Variants in JAZF1 observed in about 807,000 individuals in gnomAD.
JAZF1 encodes JAZF zinc finger 1.
A neutral mutation model predicts 26.4 loss-of-function variants in JAZF1; 8 were observed. The ratio of observed to expected loss-of-function variants is 0.30; its 90% CI spans 0.18 to 0.55. The LOEUF (loss-of-function observed/expected upper bound fraction) is 0.55. Among genes scored for constraint, JAZF1 ranks in the 20% least tolerant of loss-of-function variants. The pLI, the probability that JAZF1 is intolerant of heterozygous loss-of-function variation, is 0.94. For synonymous variants in JAZF1, 126 were observed against 122.3 expected (o/e 1.03, Z -0.20); for missense variants, 199 against 322.0 (o/e 0.62, Z 2.92).
At chr7:27,845,606 A>G (rs1783009532) in intron 3 of JAZF1, among the ~76,000 whole-genome samples, 1 of 150,244 alleles carries the variant, frequency 6.7e-6, no homozygotes, top group Admixed American at 6.6e-5. Flanking sequence ...CTGAGGCAGG[A>G]GAATCGCTTG....
intron 2 of JAZF1, among the ~76,000 whole-genome samples, chr7:27,929,968 C>G (rs1784661171): frequency 6.6e-6 from 1 of 151,096 alleles, no homozygotes; most frequent in Admixed American, 6.6e-5. Flanking sequence ...CTCCCCCTCT[C>G]TCCCTCCCTC....
intron 1 of JAZF1, among the ~76,000 whole-genome samples, chr7:28,137,265 C>T (rs958932129): frequency 6.6e-6 from 1 of 152,230 alleles, no homozygotes; most frequent in Non-Finnish European, 1.5e-5. Flanking sequence ...AGAAGTAACA[C>T]GATTCAATCT....
At chr7:28,120,432 C>A (rs1420689344) in intron 1 of JAZF1, among the ~76,000 whole-genome samples, 1 of 150,124 alleles carries the variant, frequency 6.7e-6, no homozygotes, top group East Asian at 2.0e-4. Context: ...GGAAGTCTAG[C>A]AGGCATCCTT....
intron 2 of JAZF1, among the ~76,000 whole-genome samples, chr7:27,986,422 C>A (rs1226967759): frequency 6.6e-6 from 1 of 152,138 alleles, no homozygotes; most frequent in Non-Finnish European, 1.5e-5. Flanking sequence ...TGAAGGACCT[C>A]TTCAAGGAGA....
chr7:28,119,614 A>ACTGTC (rs1784804895), intron 1 of JAZF1, among the ~76,000 whole-genome samples: 1 of 152,128 alleles, frequency 6.6e-6, no homozygotes, highest in Non-Finnish European at 1.5e-5. Context: ...TCCTCTATTT[A>ACTGTC]CAATCGGCTG....
chr7:28,116,645 T>C (rs1784749881), intron 1 of JAZF1, among the ~76,000 whole-genome samples: 1 of 152,040 alleles, frequency 6.6e-6, no homozygotes. Flanking sequence ...GGTTTCACCA[T>C]GTTGGCCAGG....
intron 3 of JAZF1, among the ~76,000 whole-genome samples, chr7:27,866,882 C>G (rs749425898): frequency 2.0e-5 from 3 of 152,166 alleles, no homozygotes; most frequent in Non-Finnish European, 2.9e-5. Flanking sequence ...TCTCTGGCCT[C>G]GAGGTGCACG....
In JAZF1 at chr7:27,831,883, C is replaced by CT. The variant is rs554472870; in HGVS notation, c.*916dup. The CT allele has an allele frequency of 8.9e-4, 195 of 218,368 alleles. No individual in the cohort carries two copies. Among genetic ancestry groups the CT allele is most frequent in the African/African-American group, 4.3e-3 (191 of 44,592 alleles). The allele number at this position is 218,368 out of a possible 1,614,324, so 13.5% of individuals were successfully genotyped here. On this transcript the variant is annotated 3_prime_UTR_variant, in exon 5 of 5. Transcript: ENST00000283928. ...GTTGGCAATAGAGAACTACAAAGTG[C>CT]TTTAAAACTTCATCTGAAGATGAAG...
intron 3 of JAZF1, among the ~76,000 whole-genome samples, chr7:27,882,547 A>G (rs561885241): frequency 3.3e-5 from 5 of 152,342 alleles, no homozygotes; most frequent in African/African-American, 1.2e-4. Flanking sequence ...CTGCCTGTCA[A>G]ATACCACTTG....
intron 1 of JAZF1, among the ~76,000 whole-genome samples, chr7:28,062,503 C>A (rs1256350139): frequency 6.6e-6 from 1 of 151,958 alleles, no homozygotes; most frequent in African/African-American, 2.4e-5. Flanking sequence ...CACCTTTCCA[C>A]AGGCCTCCCA....
At chr7:28,063,480 T>C (rs1219071734) in intron 1 of JAZF1, among the ~76,000 whole-genome samples, 1 of 152,080 alleles carries the variant, frequency 6.6e-6, no homozygotes, top group Non-Finnish European at 1.5e-5. Flanking sequence ...TAGCAAAATA[T>C]AACAAAAAAT....
rs1366216504 is a variant in JAZF1 at position 27,832,925 on chromosome 7, G to A, written c.607C>T (p.Arg203Cys). The stretch of plus-strand genomic sequence containing the variant: ...CGACACTTGAATGGTTTGCGGACAC[G>A]AATCTGTGTTCTGTGACCATTCTTA... ...HAKNGHRTQI[R>C]VRKPFKCRCG... Residue 203 changes from arginine (R) to cysteine (C), a missense_variant, in exon 5 of 5, where the codon CGT becomes TGT. Coordinates refer to ENST00000283928, the MANE Select transcript of JAZF1 (RefSeq NM_175061.4). 4 of 1,612,782 alleles carry A rather than the reference G, an allele frequency of 2.5e-6. No individual in the cohort carries two copies. Among genetic ancestry groups the A allele is most frequent in the Non-Finnish European group, 3.4e-6 (4 of 1,179,456 alleles).
In JAZF1 at chr7:27,959,395, G is replaced by C. The variant is rs576179121; in HGVS notation, c.188+32514C>G. Reference sequence around the variant, plus strand: ...TCTCTGATTACTTTAACCCTATGAAGTTATAGCACTGATCATTTGAGCTAT... The same window carrying C: ...TCTCTGATTACTTTAACCCTATGAACTTATAGCACTGATCATTTGAGCTAT... On this transcript the variant is annotated intron_variant, in intron 2 of 4. Transcript: ENST00000283928. 2.8e-4 allele frequency among the ~76,000 whole-genome samples: 42 copies of C among 152,236 alleles called. 1 individual carries two copies. In the East Asian group the frequency reaches 7.7e-3, roughly 28 times the overall value.
At chr7:28,005,753 A>G (rs568980198) in intron 1 of JAZF1, among the ~76,000 whole-genome samples, 13 of 152,086 alleles carry the variant, frequency 8.5e-5, no homozygotes, top group Admixed American at 2.6e-4. Context: ...GATCTCGCTG[A>G]TGGTGTGAAT....
intron 1 of JAZF1, among the ~76,000 whole-genome samples, chr7:28,016,518 GTCTCACCCAGACCAAA>G (rs1479616248): frequency 1.3e-5 from 2 of 152,176 alleles, no homozygotes; most frequent in African/African-American, 4.8e-5. Flanking sequence ...TTTGCCTTGG[GTCTCACCCAGACCAAA>G]TGAGTGAGGA....
intron 1 of JAZF1, among the ~76,000 whole-genome samples, chr7:28,088,205 T>C (rs552683664): frequency 2.6e-5 from 4 of 152,352 alleles, no homozygotes; most frequent in African/African-American, 9.6e-5. Flanking sequence ...AGGGACATGG[T>C]AGCCAACAGC....
chr7:27,964,946 G>A (rs1785249325), intron 2 of JAZF1, among the ~76,000 whole-genome samples: 1 of 152,146 alleles, frequency 6.6e-6, no homozygotes, highest in Non-Finnish European at 1.5e-5. Flanking sequence ...CTGTGACAGA[G>A]AAGAGTGTAT....
intron 1 of JAZF1, among the ~76,000 whole-genome samples, chr7:28,120,501 C>CTTTTTTGTTTTTTTTTTT (rs1782582595): frequency 1.7e-5 from 1 of 59,004 alleles, no homozygotes; most frequent in Non-Finnish European, 2.8e-5. Context: ...ACACACAGTT[C>CTTTTTTGTTTTTTTTTTT]TTTTTTTTTT....
chr7:27,919,267 A>T (rs995003403), intron 2 of JAZF1, among the ~76,000 whole-genome samples: 2 of 152,214 alleles, frequency 1.3e-5, no homozygotes, highest in Non-Finnish European at 2.9e-5. Context: ...TGAAATGTAA[A>T]ATGATATTTT....
Sources: allele counts gnomAD v4.1 joint callset (sites outside exome capture counted in the v4.1 genomes callset), GRCh38; gene constraint gnomAD v4.1.1; transcripts MANE v1.5; gene names NCBI Gene and HGNC (gene_info 2026-07-23, HGNC 2026-07-21).